The following PRKN variants were observed in gnomAD, a reference collection of about 807,000 sequenced individuals.
PRKN encodes the protein parkin RBR E3 ubiquitin protein ligase.
PRKN carries 56 observed loss-of-function variants against 59.5 expected under a neutral mutation model. That is an observed-to-expected ratio of 0.94 (90% CI 0.76 to 1.18). PRKN has a LOEUF of 1.18. Ranked by LOEUF, PRKN falls within the 50% of genes most tolerant of loss-of-function variation. The pLI is 0.00. For synonymous variants in PRKN, 250 were observed against 222.1 expected (o/e 1.13, Z -1.12); for missense variants, 657 against 596.4 (o/e 1.10, Z -1.06).
At chr6:162,413,796 C>T (rs970766804) in intron 2 of PRKN, among the ~76,000 whole-genome samples, 23 of 152,182 alleles carry the variant, frequency 1.5e-4, no homozygotes, top group Admixed American at 1.4e-3. Context: ...AGTCCAGAAT[C>T]GGCACTTGGA....
At chr6:162,303,267 T>C (rs1782047946) in intron 2 of PRKN, among the ~76,000 whole-genome samples, 1 of 152,168 alleles carries the variant, frequency 6.6e-6, no homozygotes, top group African/African-American at 2.4e-5. Flanking sequence ...TTCCTGCCAT[T>C]GAAACTTACA....
chr6:161,656,250 A>C (rs978011119), intron 7 of PRKN, among the ~76,000 whole-genome samples: 2 of 152,202 alleles, frequency 1.3e-5, no homozygotes, highest in Non-Finnish European at 2.9e-5. Context: ...CCCCTGCTGC[A>C]TCTTTGAGTT....
chr6:162,356,645 A>T (rs1330518498), intron 2 of PRKN, among the ~76,000 whole-genome samples: 1 of 151,500 alleles, frequency 6.6e-6, no homozygotes, highest in African/African-American at 2.4e-5. Flanking sequence ...GAAGAAGAAG[A>T]CCCAGAAAAG....
intron 1 of PRKN, among the ~76,000 whole-genome samples, chr6:162,643,341 T>C (rs1404577882): frequency 3.2e-5 from 4 of 124,548 alleles, no homozygotes; most frequent in Non-Finnish European, 6.2e-5. Context: ...GAGGTTGCAG[T>C]GAGCCAAGAT....
At chr6:161,825,553 C>T (rs148463900) in intron 6 of PRKN, among the ~76,000 whole-genome samples, 1 of 152,260 alleles carries the variant, frequency 6.6e-6, no homozygotes, top group African/African-American at 2.4e-5. Flanking sequence ...CCAAGTTAGT[C>T]CTGGGTTTAC....
At chr6:162,617,541 A>T (rs982296886) in intron 1 of PRKN, among the ~76,000 whole-genome samples, 1 of 150,942 alleles carries the variant, frequency 6.6e-6, no homozygotes, top group African/African-American at 2.5e-5. Context: ...CATATAATAC[A>T]TTATTAACTA....
intron 1 of PRKN, among the ~76,000 whole-genome samples, chr6:162,608,586 G>T (rs947245576): frequency 6.6e-6 from 1 of 152,148 alleles, no homozygotes; most frequent in Non-Finnish European, 1.5e-5. Flanking sequence ...AAGGTTAAAG[G>T]ACAAATAGTC....
intron 8 of PRKN, among the ~76,000 whole-genome samples, chr6:161,568,960 A>G (rs897032600): frequency 6.2e-5 from 9 of 144,456 alleles, no homozygotes; most frequent in African/African-American, 2.4e-4. Context: ...AACACCCAAT[A>G]CAAAAACCTG....
At position 162,556,732 on chromosome 6, in the gene PRKN, C is replaced by G. The variant is rs139903272; in HGVS notation, c.8-113259G>C. Among the ~76,000 whole-genome samples, 691 of 121,382 alleles carry G rather than the reference C, an allele frequency of 5.7e-3. 7 individuals are homozygous for G. Among genetic ancestry groups the G allele is most frequent in the African/African-American group, 0.022 (667 of 30,852 alleles). The allele number at this position is 121,382 out of a possible 152,430, so 79.6% of individuals were successfully genotyped here. A position where few individuals can be genotyped will look rare whatever the true frequency, so the allele number is the denominator to read the frequency against. On this transcript the variant is annotated intron_variant, in intron 1 of 11. Transcript: ENST00000366898. ...ACTGCACTCCAACCAGGTGACAGAG[C>G]GAGACTCCATCTCAAAAAAAAAAAA...
chr6:161,680,768 TATATATA>T lies in PRKN; in HGVS notation c.871+104997_871+105003del, dbSNP rs1351132008. Among the ~76,000 whole-genome samples the T allele has an allele frequency of 7.9e-3, 159 of 20,022 alleles. 10 individuals carry two copies. The highest frequency in any genetic ancestry group is 0.016 in the African/African-American group (110 of 7,010). 13.1% of individuals were successfully genotyped at this position (20,022 alleles called of 152,430 possible). A position where few individuals can be genotyped will look rare whatever the true frequency, so the allele number is the denominator to read the frequency against. On this transcript the variant is annotated intron_variant, in intron 7 of 11. Coordinates refer to ENST00000366898, the MANE Select transcript of PRKN (RefSeq NM_004562.3). ...ATATATATATATATATATATATATA[TATATATA>T]TTTTTTTTTTTTTTTCTTTTCCTAA...
rs543666056 is a variant in PRKN, at chr6:161,382,288, G to A, written c.1167+4506C>T. Among the ~76,000 whole-genome samples, 7 of 152,226 alleles carry A rather than the reference G, an allele frequency of 4.6e-5. No individual in the cohort carries two copies. The South Asian group carries it at 1.5e-3, about 32-fold the overall frequency. On this transcript the variant is annotated intron_variant, in intron 10 of 11. Transcript: ENST00000366898. ...GGGGAGGGCAGATGGCTTCTGGGAG[G>A]AGGTAACATGATCTGGGCCTAGAAT...
chr6:161,803,630 C>T (rs1367166037), intron 6 of PRKN, among the ~76,000 whole-genome samples: 2 of 152,200 alleles, frequency 1.3e-5, no homozygotes, highest in South Asian at 2.1e-4. Context: ...GAAGGCTGGA[C>T]GTAGTGTCAG....
chr6:161,408,636 G>A (rs1267091091), intron 9 of PRKN, among the ~76,000 whole-genome samples: 3 of 152,014 alleles, frequency 2.0e-5, no homozygotes, highest in Non-Finnish European at 4.4e-5. Flanking sequence ...CTGATACCGG[G>A]AGTGGACATG....
At chr6:162,682,851 T>A (rs1779823572) in intron 1 of PRKN, among the ~76,000 whole-genome samples, 2 of 152,098 alleles carry the variant, frequency 1.3e-5, no homozygotes, top group African/African-American at 4.8e-5. Context: ...TAGACCATTA[T>A]GTAGGTAATA....
chr6:162,400,131 T>C (rs1241312659), intron 2 of PRKN, among the ~76,000 whole-genome samples: 1 of 151,704 alleles, frequency 6.6e-6, no homozygotes, highest in Non-Finnish European at 1.5e-5. Flanking sequence ...TGCTTGAACC[T>C]GGGAGGTGGA....
intron 1 of PRKN, among the ~76,000 whole-genome samples, chr6:162,606,811 G>C (rs1781938176): frequency 6.6e-6 from 1 of 152,118 alleles, no homozygotes; most frequent in Non-Finnish European, 1.5e-5. Flanking sequence ...CTGCCTCCTG[G>C]GTTCAAGTGA....
chr6:161,614,539 C>T (rs907842096), intron 7 of PRKN, among the ~76,000 whole-genome samples: 1 of 152,166 alleles, frequency 6.6e-6, no homozygotes, highest in South Asian at 2.1e-4. Flanking sequence ...AGTGCACCAC[C>T]GGACTGAAAT....
chr6:161,731,653 T>C (rs982620768), intron 7 of PRKN, among the ~76,000 whole-genome samples: 3 of 152,174 alleles, frequency 2.0e-5, no homozygotes, highest in African/African-American at 7.2e-5. Flanking sequence ...GAAATGTGAA[T>C]GGCAAATTAT....
At chr6:162,324,573 G>A (rs572489720) in intron 2 of PRKN, among the ~76,000 whole-genome samples, 11 of 152,234 alleles carry the variant, frequency 7.2e-5, no homozygotes, top group African/African-American at 2.6e-4. Context: ...GCTTTGCTAA[G>A]CACTGGCACA....
Sources: allele counts gnomAD v4.1 joint callset (sites outside exome capture counted in the v4.1 genomes callset), GRCh38; gene constraint gnomAD v4.1.1; transcripts MANE v1.5; gene names NCBI Gene and HGNC (gene_info 2026-07-23, HGNC 2026-07-21).